Variants in UNC13C observed in about 807,000 individuals in gnomAD.
The protein encoded by UNC13C is protein unc-13 homolog C.
UNC13C carries 174 observed loss-of-function variants against 245.4 expected under a neutral mutation model. The observed-to-expected ratio is 0.71, with a 90% CI of 0.63 to 0.80. UNC13C has a LOEUF of 0.80. Among genes scored for constraint, UNC13C ranks in the 30% least tolerant of loss-of-function variants. UNC13C has a pLI of 0.00. For synonymous variants in UNC13C, 992 were observed against 895.1 expected (o/e 1.11, Z -1.93); for missense variants, 2,829 against 2,602.9 (o/e 1.09, Z -1.89).
chr15:54,207,130 G>GTGATGA (rs11458939), intron 4 of UNC13C, among the ~76,000 whole-genome samples: 23 of 150,608 alleles, frequency 1.5e-4, no homozygotes, highest in Non-Finnish European at 2.2e-4. Context: ...GATGATGATG[G>GTGATGA]TGATGATGAT....
intron 19 of UNC13C, among the ~76,000 whole-genome samples, chr15:54,490,027 G>A (rs866857927): frequency 2.6e-5 from 4 of 152,122 alleles, no homozygotes; most frequent in Admixed American, 2.6e-4. Flanking sequence ...CCCTGTTTCT[G>A]TCCACGGAGA....
At chr15:54,061,129 A>G (rs1347857145) in intron 2 of UNC13C, among the ~76,000 whole-genome samples, 2 of 152,098 alleles carry the variant, frequency 1.3e-5, no homozygotes, top group Non-Finnish European at 2.9e-5. Flanking sequence ...ATAATAAAAA[A>G]AAAAGGAATC....
At chr15:54,118,158 T>G (rs2030405999) in intron 2 of UNC13C, among the ~76,000 whole-genome samples, 1 of 152,162 alleles carries the variant, frequency 6.6e-6, no homozygotes, top group East Asian at 1.9e-4. Context: ...TGGTTCCATA[T>G]AAATTTTAGA....
chr15:54,470,888 A>G (rs1892428701), intron 19 of UNC13C, among the ~76,000 whole-genome samples: 1 of 151,092 alleles, frequency 6.6e-6, no homozygotes, highest in Non-Finnish European at 1.5e-5. Context: ...ATTGCTATAT[A>G]TTTCCCTCTC....
intron 2 of UNC13C, among the ~76,000 whole-genome samples, chr15:54,042,602 C>T (rs1372032789): frequency 6.6e-6 from 1 of 152,020 alleles, no homozygotes; most frequent in Non-Finnish European, 1.5e-5. Flanking sequence ...GCCTGTAATC[C>T]CAGCACTTTG....
intron 7 of UNC13C, among the ~76,000 whole-genome samples, chr15:54,239,700 C>T (rs1201578813): frequency 1.3e-5 from 2 of 152,202 alleles, no homozygotes; most frequent in East Asian, 1.9e-4. Context: ...AGTTCTTCCA[C>T]CTCAGCCTCC....
At chr15:53,845,005 C>G in the UNC13C span, among the ~76,000 whole-genome samples, 3 of 152,070 alleles carry the variant, frequency 2.0e-5, no homozygotes, top group Non-Finnish European at 4.4e-5. Flanking sequence ...TAAGCAATCT[C>G]AGAGAAAGCT....
chr15:54,383,302 A>G (rs73417758), intron 17 of UNC13C, among the ~76,000 whole-genome samples: 3,134 of 152,236 alleles, frequency 0.021, 107 homozygotes, highest in African/African-American at 0.072. Flanking sequence ...ATACTAACAA[A>G]CTGAATGCAA....
At chr15:53,955,963 G>A in the UNC13C span, 1 of 152,322 alleles carries the variant, frequency 6.6e-6, no homozygotes, top group Non-Finnish European at 1.5e-5. Context: ...TGAAGAAAAT[G>A]TGGTATATAT....
rs527690172 is a variant in UNC13C, at chr15:54,408,711, T to C, written c.4848-6271T>C. ...CTCCCCAACCTAAGCTTTACAAATT[T>C]TCAGTAGTTTGGTGTGTTTTCTTCC... is the stretch of plus-strand genomic sequence containing the variant. On this transcript the variant is annotated intron_variant, in intron 18 of 32. Coordinates refer to ENST00000260323, the MANE Select transcript of UNC13C (RefSeq NM_001080534.3). Among the ~76,000 whole-genome samples, 3 of 152,318 alleles carry C rather than the reference T, an allele frequency of 2.0e-5. No homozygotes were observed. The South Asian group carries it at 6.2e-4, about 32-fold the overall frequency.
intron 2 of UNC13C, among the ~76,000 whole-genome samples, chr15:54,060,867 G>T (rs12904351): frequency 0.018 from 2,789 of 151,902 alleles, 66 homozygotes; most frequent in Admixed American, 0.067. Flanking sequence ...CTATCACAAG[G>T]ACAAAAAACC....
At position 54,112,552 on chromosome 15, in the gene UNC13C, A is replaced by T. The variant is rs140154724; in HGVS notation, c.2984-30466A>T. On this transcript the variant is annotated intron_variant, in intron 2 of 32. Coordinates refer to ENST00000260323, the MANE Select transcript of UNC13C (RefSeq NM_001080534.3). ...ACATGGTTGATAAAAGGAAAGATGG[A>T]ACTGTCATGTTGAATATGTCTAGCC... Among the ~76,000 whole-genome samples the T allele has an allele frequency of 7.7e-4, 118 of 152,300 alleles. 1 individual carries two copies. The highest frequency in any genetic ancestry group is 3.4e-3 in the Middle Eastern group (1 of 294).
intron 17 of UNC13C, among the ~76,000 whole-genome samples, chr15:54,365,813 A>G (rs1260332433): frequency 6.6e-6 from 1 of 151,936 alleles, no homozygotes; most frequent in East Asian, 1.9e-4. Flanking sequence ...TGAACATCGT[A>G]TATTCTTTAG....
rs2030274393 is a variant in UNC13C at position 54,116,700 on chromosome 15, C to CCACATGT, written c.2984-26317_2984-26311dup. ...CCACTGATGGGAACTTAGGTTGATTCCACATGTTGGCTATTGTAAATAGTG... is the reference window on the plus strand; with the variant it reads ...CCACTGATGGGAACTTAGGTTGATTCCACATGTCACATGTTGGCTATTGTAAATAGTG... On this transcript the variant is annotated intron_variant, in intron 2 of 32. Coordinates refer to ENST00000260323, the MANE Select transcript of UNC13C (RefSeq NM_001080534.3). 2.0e-5 allele frequency among the ~76,000 whole-genome samples: 3 copies of CCACATGT among 152,234 alleles called. No individual in the cohort carries two copies. The South Asian group carries it at 6.2e-4, about 32-fold the overall frequency.
intron 1 of UNC13C, among the ~76,000 whole-genome samples, chr15:53,997,058 T>C (rs2140968704): frequency 6.6e-6 from 1 of 152,276 alleles, no homozygotes; most frequent in Non-Finnish European, 1.5e-5. Context: ...TTGCTCCATA[T>C]CCCTTCCATC....
At chr15:54,285,625 G>A (rs1016310412) in intron 10 of UNC13C, among the ~76,000 whole-genome samples, 7 of 152,162 alleles carry the variant, frequency 4.6e-5, no homozygotes, top group Non-Finnish European at 1.5e-5. Context: ...GGTTTCTGCT[G>A]ATGATTTTCT....
chr15:54,382,309 G>A (rs1180134950), intron 17 of UNC13C, among the ~76,000 whole-genome samples: 1 of 152,182 alleles, frequency 6.6e-6, no homozygotes, highest in Non-Finnish European at 1.5e-5. Flanking sequence ...GCTGGGCTCA[G>A]TGGCTCACTC....
the UNC13C span, among the ~76,000 whole-genome samples, chr15:53,851,536 C>T: frequency 4.1e-3 from 623 of 152,294 alleles, 3 homozygotes; most frequent in African/African-American, 0.015. Context: ...CTCTCTTTCT[C>T]TCTCTGTGTC....
At chr15:54,211,523 A>C (rs189737290) in intron 4 of UNC13C, among the ~76,000 whole-genome samples, 1 of 152,068 alleles carries the variant, frequency 6.6e-6, no homozygotes, top group African/African-American at 2.4e-5. Flanking sequence ...CAAGCTATCA[A>C]TGTGATTATC....
Sources: allele counts gnomAD v4.1 joint callset (sites outside exome capture counted in the v4.1 genomes callset), GRCh38; gene constraint gnomAD v4.1.1; transcripts MANE v1.5; gene names NCBI Gene and HGNC (gene_info 2026-07-23, HGNC 2026-07-21).